The following GARNL3 variants were observed in gnomAD, a reference collection of about 807,000 sequenced individuals.
GARNL3 encodes the protein GTPase-activating Rap/Ran-GAP domain-like protein 3.
GARNL3 carries 63 observed loss-of-function variants against 125.0 expected under a neutral mutation model. The ratio of observed to expected loss-of-function variants is 0.50; its 90% CI spans 0.41 to 0.62. The LOEUF is 0.62. GARNL3 is among the 20% of genes least tolerant of loss of function. The probability of loss-of-function intolerance (pLI) is 0.00; values close to 1 mark genes in which losing one functional copy is unlikely to be tolerated. For synonymous variants in GARNL3, 439 were observed against 457.5 expected (o/e 0.96, Z 0.52); for missense variants, 994 against 1,244.0 (o/e 0.80, Z 3.02).
chr9:127,351,848 T>G lies in GARNL3; in HGVS notation c.1544-1998T>G, dbSNP rs140444323. Among the ~76,000 whole-genome samples the G allele has an allele frequency of 3.7e-4, 56 of 152,360 alleles. No individual in the cohort carries two copies. In the East Asian group the frequency reaches 6.9e-3, roughly 19 times the overall value. ...AAAGCTGGTTCTAAAAGATTGTTCT[T>G]CATAAAGAGATTACAGGAAGGAAAG... On this transcript the variant is annotated intron_variant, in intron 17 of 27. Coordinates refer to ENST00000373387, the MANE Select transcript of GARNL3 (RefSeq NM_032293.5).
intron 7 of GARNL3, among the ~76,000 whole-genome samples, chr9:127,330,939 T>C (rs1432228519): frequency 6.6e-6 from 1 of 152,154 alleles, no homozygotes; most frequent in Non-Finnish European, 1.5e-5. Flanking sequence ...TTTTCGGATT[T>C]TTAATACTCT....
intron 1 of GARNL3, among the ~76,000 whole-genome samples, chr9:127,230,776 G>T (rs1222096971): frequency 1.3e-5 from 2 of 151,466 alleles, no homozygotes; most frequent in Admixed American, 1.3e-4. Flanking sequence ...TCAGAATAAG[G>T]TTCTGCTTTG....
At chr9:127,370,545 A>G (rs1564188185) in intron 22 of GARNL3, among the ~76,000 whole-genome samples, 1 of 152,178 alleles carries the variant, frequency 6.6e-6, no homozygotes, top group Non-Finnish European at 1.5e-5. Context: ...GCTTGTGTCC[A>G]TAAACTTTGC....
chr9:127,380,023 T>TA (rs1480652156), intron 22 of GARNL3, among the ~76,000 whole-genome samples: 2 of 151,770 alleles, frequency 1.3e-5, no homozygotes, highest in African/African-American at 4.8e-5. Context: ...CTACCAAAAA[T>TA]AAAAAAATTA....
At chr9:127,244,155 C>G (rs1169315362) in intron 2 of GARNL3, among the ~76,000 whole-genome samples, 2 of 152,200 alleles carry the variant, frequency 1.3e-5, no homozygotes, top group African/African-American at 4.8e-5. Context: ...AAGGAAGACA[C>G]TTTGTCTGCC....
At chr9:127,305,379 T>C (rs2064924567) in intron 2 of GARNL3, among the ~76,000 whole-genome samples, 1 of 152,128 alleles carries the variant, frequency 6.6e-6, no homozygotes, top group African/African-American at 2.4e-5. Flanking sequence ...CTAGTCTCCA[T>C]TGCTTTTGTC....
chr9:127,230,298 T>C (rs2062978592), intron 1 of GARNL3, among the ~76,000 whole-genome samples: 1 of 152,188 alleles, frequency 6.6e-6, no homozygotes, highest in African/African-American at 2.4e-5. Context: ...ATGAACTAAT[T>C]AATGCAAAGT....
intron 11 of GARNL3, 49 bp downstream of exon 11, chr9:127,336,285 C>T: frequency 7.7e-7 from 1 of 1,295,688 alleles, no homozygotes. Flanking sequence ...TGTGGTTCAG[C>T]CTCACTGGAC....
At chr9:127,248,158 A>G (rs2063335436) in intron 2 of GARNL3, among the ~76,000 whole-genome samples, 1 of 152,178 alleles carries the variant, frequency 6.6e-6, no homozygotes, top group South Asian at 2.1e-4. Context: ...TGTTAGGAGG[A>G]ATTCTATTCC....
intron 9 of GARNL3, 79 bp from the exon 10 acceptor site, chr9:127,335,151 T>C: frequency 1.0e-6 from 1 of 958,608 alleles, no homozygotes; most frequent in Non-Finnish European, 1.7e-6. Flanking sequence ...ATACAGTATT[T>C]CCCTAGTCTG....
chr9:127,392,318 C>T lies in GARNL3; in HGVS notation c.2871-765C>T, dbSNP rs1007131502. 6.6e-6 allele frequency among the ~76,000 whole-genome samples: 1 copy of T among 152,182 alleles called. No individual in the cohort carries two copies. The highest frequency in any genetic ancestry group is 1.5e-5 in the Non-Finnish European group (1 of 68,030). On this transcript the variant is annotated intron_variant, in intron 27 of 27. Coordinates refer to ENST00000373387, the MANE Select transcript of GARNL3 (RefSeq NM_032293.5). This position sits in a 1 kb window ranked among gnomAD's most constrained non-coding sequence, Gnocchi z 5.2. ...GCTACAAGAAATTGAGAAGAAGTGACGGGGCTGGCACATAGAAGGTCTACT... is the reference window on the plus strand; with the variant it reads ...GCTACAAGAAATTGAGAAGAAGTGATGGGGCTGGCACATAGAAGGTCTACT...
chr9:127,346,644 C>T (rs1830153299), intron 16 of GARNL3, among the ~76,000 whole-genome samples: 1 of 152,164 alleles, frequency 6.6e-6, no homozygotes, highest in African/African-American at 2.4e-5. Flanking sequence ...CAGGTAATAA[C>T]AGAGCGAGCG....
At chr9:127,231,243 T>TTG (rs1467986308) in intron 1 of GARNL3, among the ~76,000 whole-genome samples, 2 of 140,808 alleles carry the variant, frequency 1.4e-5, no homozygotes, top group African/African-American at 5.3e-5. Context: ...TTTTTTTTTT[T>TTG]TTGTATTTTT....
At chr9:127,232,550 C>T (rs1264091160) in intron 1 of GARNL3, among the ~76,000 whole-genome samples, 1 of 152,184 alleles carries the variant, frequency 6.6e-6, no homozygotes, top group Non-Finnish European at 1.5e-5. Flanking sequence ...CTCAAGTGAT[C>T]CTTCCACCTT....
intron 12 of GARNL3, among the ~76,000 whole-genome samples, chr9:127,338,820 T>C (rs973569658): frequency 2.4e-4 from 37 of 152,128 alleles, no homozygotes; most frequent in Admixed American, 2.4e-3. Context: ...GCACATTGAC[T>C]AAGCTGGAGG....
intron 26 of GARNL3, among the ~76,000 whole-genome samples, chr9:127,389,921 TAAAAAAAAAAA>T (rs1169168184): frequency 2.5e-5 from 2 of 78,688 alleles, no homozygotes; most frequent in African/African-American, 5.0e-5. Flanking sequence ...ACCCTGTCTT[TAAAAAAAAAAA>T]AAAAAAAAAA....
chr9:127,363,582 G>A (rs1427186239), intron 21 of GARNL3: 1 of 152,454 alleles, frequency 6.6e-6, no homozygotes, highest in Non-Finnish European at 1.5e-5. Context: ...TGACACCAGT[G>A]AAGAGAAGGG....
At chr9:127,296,053 C>T (rs897199487) in intron 2 of GARNL3, among the ~76,000 whole-genome samples, 1 of 152,220 alleles carries the variant, frequency 6.6e-6, no homozygotes, top group Non-Finnish European at 1.5e-5. Context: ...GAGGAGCACA[C>T]AACCTAGATC....
At chr9:127,348,231 C>T (rs1830244450) in intron 16 of GARNL3, among the ~76,000 whole-genome samples, 1 of 152,186 alleles carries the variant, frequency 6.6e-6, no homozygotes, top group Admixed American at 6.5e-5. Flanking sequence ...TCTGGTGTGA[C>T]TAAGATCATG....
Sources: allele counts gnomAD v4.1 joint callset (sites outside exome capture counted in the v4.1 genomes callset), GRCh38; gene constraint gnomAD v4.1.1; non-coding constraint Gnocchi (gnomAD v3.1); transcripts MANE v1.5; gene names NCBI Gene and HGNC (gene_info 2026-07-23, HGNC 2026-07-21).